KCNH7: variants seen among roughly 807,000 people sequenced by gnomAD.
The protein encoded by KCNH7 is potassium voltage-gated channel subfamily H member 7.
Under a neutral mutation model 120.8 loss-of-function variants are expected in KCNH7, and 49 were observed. The observed-to-expected ratio is 0.41, with a 90% confidence interval of 0.32 to 0.51. The LOEUF (loss-of-function observed/expected upper bound fraction) is 0.51, where lower values mean the gene tolerates loss of function less well. KCNH7 is among the 20% of genes least tolerant of loss of function. The probability of loss-of-function intolerance (pLI) is 0.38; values close to 1 mark genes in which losing one functional copy is unlikely to be tolerated. For missense variants in KCNH7, 1,097 were observed against 1,446.6 expected, an observed-to-expected ratio of 0.76 and a Z score of 3.92; for synonymous variants, 547 against 516.1, an observed-to-expected ratio of 1.06 and a Z score of -0.81.
At chr2:162,488,673 A>T (rs1690187820) in intron 6 of KCNH7, among the ~76,000 whole-genome samples, 1 of 152,156 alleles carries the variant, frequency 6.6e-6, no homozygotes, top group Non-Finnish European at 1.5e-5. Context: ...TAAATATCCC[A>T]AAAGAAAAAT....
At chr2:162,665,101 GA>G (rs144936134) in intron 2 of KCNH7, among the ~76,000 whole-genome samples, 11 of 151,574 alleles carry the variant, frequency 7.3e-5, no homozygotes, top group African/African-American at 1.2e-4. Flanking sequence ...TATGAAAAGT[GA>G]AAAAAAATTC....
intron 2 of KCNH7, among the ~76,000 whole-genome samples, chr2:162,609,430 A>T (rs1682886728): frequency 6.6e-6 from 1 of 151,978 alleles, no homozygotes; most frequent in Non-Finnish European, 1.5e-5. Context: ...ACGGATTTTC[A>T]ATACTTACAG....
chr2:162,825,633 C>T (rs917756113), intron 2 of KCNH7, among the ~76,000 whole-genome samples: 34 of 152,032 alleles, frequency 2.2e-4, no homozygotes, highest in African/African-American at 6.7e-4. Context: ...ACTTTTGGTA[C>T]ATTTGTACAA....
chr2:162,397,099 G>A (rs374834409), intron 10 of KCNH7, among the ~76,000 whole-genome samples, 154 bp from the exon 11 acceptor site: 2 of 151,770 alleles, frequency 1.3e-5, no homozygotes, highest in Non-Finnish European at 2.9e-5. Context: ...CCCATACCAT[G>A]TTTGGTGAGT....
Position 162,606,700 on chromosome 2 carries a change from T to C in KCNH7, c.308-69620A>G, listed in dbSNP as rs115191603. ...GCAAGATAAACAGTGTTCAGCCTTATAAACTTTAGTCTAACTTGGTTCCAA... is the reference window on the plus strand; with the variant it reads ...GCAAGATAAACAGTGTTCAGCCTTACAAACTTTAGTCTAACTTGGTTCCAA... On this transcript the variant is annotated intron_variant, in intron 2 of 15. Coordinates refer to ENST00000332142, the MANE Select transcript of KCNH7 (RefSeq NM_033272.4). Among the ~76,000 whole-genome samples the C allele has an allele frequency of 4.6e-3, 694 of 152,318 alleles. 7 individuals carry two copies. The highest frequency in any genetic ancestry group is 0.016 in the African/African-American group (664 of 41,582).
At chr2:162,475,698 A>T (rs1689712532) in intron 6 of KCNH7, among the ~76,000 whole-genome samples, 1 of 152,186 alleles carries the variant, frequency 6.6e-6, no homozygotes. Context: ...AATAGTTGAC[A>T]AAGAAGAGGG....
chr2:162,743,359 G>C (rs1389763574), intron 2 of KCNH7, among the ~76,000 whole-genome samples: 1 of 151,950 alleles, frequency 6.6e-6, no homozygotes, highest in East Asian at 1.9e-4. Flanking sequence ...AGTAAAAAAA[G>C]GGAGGAAAGA....
chr2:162,638,910 T>C (rs1234659651), intron 2 of KCNH7, among the ~76,000 whole-genome samples: 1 of 152,116 alleles, frequency 6.6e-6, no homozygotes, highest in Admixed American at 6.6e-5. Flanking sequence ...CGCACAGACA[T>C]CTATCCATAT....
rs563361049 is a variant in KCNH7, at chr2:162,782,172, G to C, written c.307+54365C>G. 2.0e-5 allele frequency among the ~76,000 whole-genome samples: 3 copies of C among 152,290 alleles called. No individual in the cohort carries two copies. The South Asian group carries it at 6.2e-4, about 32-fold the overall frequency. ...CCACCCTCATATGCCATACATGGCA[G>C]TAAACAAAACAGATGAAATTCTCTC... On this transcript the variant is annotated intron_variant, in intron 2 of 15. Transcript: ENST00000332142.
chr2:162,424,587 C>A (rs1337324091), intron 8 of KCNH7, among the ~76,000 whole-genome samples: 4 of 152,150 alleles, frequency 2.6e-5, no homozygotes, highest in Admixed American at 6.5e-5. Context: ...TAAATTCAAA[C>A]AACACATTTT....
chr2:162,414,990 G>T (rs935045694), intron 9 of KCNH7, among the ~76,000 whole-genome samples: 1 of 151,884 alleles, frequency 6.6e-6, no homozygotes, highest in Non-Finnish European at 1.5e-5. Flanking sequence ...CCAATTGATA[G>T]AAATTGACCT....
intron 2 of KCNH7, among the ~76,000 whole-genome samples, chr2:162,778,536 T>C (rs1246130964): frequency 2.0e-5 from 3 of 152,204 alleles, no homozygotes; most frequent in Non-Finnish European, 2.9e-5. Context: ...ATGTATATTT[T>C]TCCTGATCTT....
At chr2:162,663,540 C>T (rs1018772635) in intron 2 of KCNH7, among the ~76,000 whole-genome samples, 1 of 152,030 alleles carries the variant, frequency 6.6e-6, no homozygotes, top group Non-Finnish European at 1.5e-5. Flanking sequence ...TTAGTTTGCT[C>T]TTTGAGAAAG....
At chr2:162,437,625 T>C (rs1688285434) in intron 7 of KCNH7, among the ~76,000 whole-genome samples, 1 of 152,158 alleles carries the variant, frequency 6.6e-6, no homozygotes, top group Non-Finnish European at 1.5e-5. Flanking sequence ...TTCATCTGTA[T>C]ATGAAGTGTA....
chr2:162,820,213 G>GTGTGTGTGTGTGTA (rs1685067255), intron 2 of KCNH7, among the ~76,000 whole-genome samples: 1 of 126,196 alleles, frequency 7.9e-6, no homozygotes, highest in Non-Finnish European at 1.6e-5. Flanking sequence ...CTAATTTTGT[G>GTGTGTGTGTGTGTA]TGTGTGTGTG....
intron 2 of KCNH7, among the ~76,000 whole-genome samples, chr2:162,757,441 A>G (rs1333803354): frequency 3.9e-5 from 6 of 152,188 alleles, no homozygotes; most frequent in Non-Finnish European, 8.8e-5. Context: ...TCCTGATGAA[A>G]TAATATAGCT....
intron 6 of KCNH7, among the ~76,000 whole-genome samples, chr2:162,446,784 A>C (rs1688596099): frequency 6.6e-6 from 1 of 152,090 alleles, no homozygotes; most frequent in Non-Finnish European, 1.5e-5. Context: ...GAAAATCACA[A>C]AGTTGGTTTT....
intron 2 of KCNH7, among the ~76,000 whole-genome samples, chr2:162,601,989 G>A (rs1021318372): frequency 6.6e-6 from 1 of 152,160 alleles, no homozygotes; most frequent in Non-Finnish European, 1.5e-5. Context: ...AGTCTCACTG[G>A]GAGAGGAACT....
At chr2:162,803,652 T>C (rs1684425398) in intron 2 of KCNH7, among the ~76,000 whole-genome samples, 1 of 151,782 alleles carries the variant, frequency 6.6e-6, no homozygotes, top group African/African-American at 2.4e-5. Context: ...TTGGCACATA[T>C]TTCATTCTAA....
Sources: gnomAD v4.1 joint callset for allele counts (sites outside exome capture counted in the v4.1 genomes callset) on GRCh38, gnomAD v4.1.1 for gene constraint, MANE v1.5 for transcripts, NCBI Gene and HGNC (gene_info 2026-07-23, HGNC 2026-07-21) for gene names.